Variants in PRIM2 observed in about 807,000 individuals in gnomAD.
The protein encoded by PRIM2 is DNA primase subunit 2, also known as DNA primase large subunit.
A neutral mutation model predicts 67.3 loss-of-function variants in PRIM2; 39 were observed. That is an observed-to-expected ratio of 0.58 (90% confidence interval 0.45 to 0.76). The LOEUF is 0.76. Ranked by LOEUF, PRIM2 falls within the 30% of genes least tolerant of loss-of-function variation. The pLI is 0.00. For synonymous variants in PRIM2, 143 were observed against 198.7 expected (o/e 0.72, Z 2.36); for missense variants, 398 against 598.7 (o/e 0.66, Z 3.50).
At chr6:57,326,147 T>A (rs1403694208) in intron 5 of PRIM2, 102 bp downstream of exon 5, 7 of 1,285,258 alleles carry the variant, frequency 5.4e-6, no homozygotes, top group Non-Finnish European at 7.5e-6. Flanking sequence ...CTTTACATTC[T>A]CCAAGTACCT....
Position 57,615,331 on chromosome 6 carries a change from A to G in PRIM2, c.1230+8874A>G, listed in dbSNP as rs1447729839. Among the ~76,000 whole-genome samples the G allele has an allele frequency of 6.0e-5, 9 of 149,386 alleles. No individual in the cohort carries two copies. The East Asian group carries it at 1.8e-3, about 30-fold the overall frequency. On this transcript the variant is annotated intron_variant, in intron 12 of 13. Coordinates refer to ENST00000615550, the MANE Select transcript of PRIM2 (RefSeq NM_000947.5). The stretch of plus-strand genomic sequence containing the variant: ...CTATGCAGGAGGCTGAGGTGGGAGG[A>G]TTGCTGGATTGCTTGAGCCCATGGG...
the PRIM2 span, among the ~76,000 whole-genome samples, chr6:57,278,655 C>T: frequency 6.6e-6 from 1 of 151,990 alleles, no homozygotes; most frequent in South Asian, 2.1e-4. Flanking sequence ...ACAATCAGGA[C>T]ACAATGTGTT....
intron 12 of PRIM2, among the ~76,000 whole-genome samples, chr6:57,620,206 CAAAG>C (rs1276263014): frequency 2.2e-4 from 34 of 152,162 alleles, no homozygotes; most frequent in African/African-American, 7.9e-4. Flanking sequence ...AAAAAAAAGA[CAAAG>C]AACACCCAAG....
At chr6:57,290,321 T>TGCACCCAATACAGGG in the PRIM2 span, among the ~76,000 whole-genome samples, 1 of 152,138 alleles carries the variant, frequency 6.6e-6, no homozygotes, top group Non-Finnish European at 1.5e-5. Context: ...TAAATATATA[T>TGCACCCAATACAGGG]GCACCCAATA....
chr6:57,399,686 A>T (rs1770640832), intron 7 of PRIM2, among the ~76,000 whole-genome samples: 1 of 152,082 alleles, frequency 6.6e-6, no homozygotes, highest in Non-Finnish European at 1.5e-5. Flanking sequence ...ATTTCTCCAC[A>T]TCCTCTCCAG....
At chr6:57,242,472 T>A in the PRIM2 span, among the ~76,000 whole-genome samples, 1 of 152,202 alleles carries the variant, frequency 6.6e-6, no homozygotes, top group Non-Finnish European at 1.5e-5. Flanking sequence ...TAAAAAATTA[T>A]GTTTTGTGGC....
chr6:57,618,572 G>C (rs1313957224), intron 12 of PRIM2, among the ~76,000 whole-genome samples: 1 of 152,182 alleles, frequency 6.6e-6, no homozygotes, highest in Admixed American at 6.5e-5. Context: ...AAACAGATCT[G>C]GGTCTGTTGT....
intron 10 of PRIM2, among the ~76,000 whole-genome samples, chr6:57,582,545 A>G (rs1776106713): frequency 6.6e-6 from 1 of 152,172 alleles, no homozygotes; most frequent in Non-Finnish European, 1.5e-5. Context: ...TAGAAACTGG[A>G]TAAGTAATAT....
intron 10 of PRIM2, among the ~76,000 whole-genome samples, chr6:57,560,261 CTT>C (rs1775601782): frequency 1.3e-5 from 2 of 151,366 alleles, no homozygotes; most frequent in Admixed American, 1.3e-4. Flanking sequence ...AGAAGCAACT[CTT>C]TATCCACTAA....
chr6:57,272,387 T>G, the PRIM2 span, among the ~76,000 whole-genome samples: 24 of 152,214 alleles, frequency 1.6e-4, no homozygotes, highest in Admixed American at 9.8e-4. Flanking sequence ...GTAATGGCCT[T>G]CTTTGTCTCT....
chr6:57,623,778 C>T (rs1398119853), intron 12 of PRIM2, among the ~76,000 whole-genome samples: 1 of 151,836 alleles, frequency 6.6e-6, no homozygotes, highest in Non-Finnish European at 1.5e-5. Flanking sequence ...GACTGGGTAG[C>T]TTTGAGTCAT....
At chr6:57,476,889 A>G (rs1773490548) in intron 7 of PRIM2, among the ~76,000 whole-genome samples, 1 of 152,306 alleles carries the variant, frequency 6.6e-6, no homozygotes, top group Middle Eastern at 3.4e-3. Context: ...GTGGGATTAC[A>G]GGCATGAGCC....
the PRIM2 span, among the ~76,000 whole-genome samples, chr6:57,223,761 T>C: frequency 6.6e-6 from 1 of 152,024 alleles, no homozygotes; most frequent in Non-Finnish European, 1.5e-5. Context: ...CTCAAAACCA[T>C]GAGATACAAC....
At chr6:57,340,262 T>G (rs1218706791) in intron 5 of PRIM2, among the ~76,000 whole-genome samples, 2 of 152,250 alleles carry the variant, frequency 1.3e-5, no homozygotes, top group Non-Finnish European at 2.9e-5. Context: ...TTGGTGGGAC[T>G]GTAAACTAGT....
At chr6:57,366,600 G>A (rs1017900466) in intron 5 of PRIM2, among the ~76,000 whole-genome samples, 4 of 152,164 alleles carry the variant, frequency 2.6e-5, no homozygotes, top group Non-Finnish European at 5.9e-5. Flanking sequence ...TATGGGTGTA[G>A]CAGTCCATTT....
At chr6:57,326,714 C>A (rs541649436) in intron 5 of PRIM2, among the ~76,000 whole-genome samples, 1 of 147,468 alleles carries the variant, frequency 6.8e-6, no homozygotes, top group Admixed American at 6.7e-5. Flanking sequence ...GAGCAAGACT[C>A]CGTCTCAAAA....
intron 13 of PRIM2, among the ~76,000 whole-genome samples, chr6:57,633,326 G>A (rs1402614538): frequency 6.6e-6 from 1 of 152,106 alleles, no homozygotes; most frequent in Non-Finnish European, 1.5e-5. Context: ...GTACATATGT[G>A]TATTTTTCCA....
the PRIM2 span, among the ~76,000 whole-genome samples, chr6:57,237,438 T>G: frequency 6.6e-6 from 1 of 152,226 alleles, no homozygotes; most frequent in African/African-American, 2.4e-5. Context: ...CATTTTTCAA[T>G]TTTGGCTTTT....
chr6:57,351,477 G>A (rs888184624), intron 5 of PRIM2, among the ~76,000 whole-genome samples: 1 of 152,162 alleles, frequency 6.6e-6, no homozygotes, highest in African/African-American at 2.4e-5. Context: ...GAATGAGGAT[G>A]TGAACTATAT....
Sources: allele counts gnomAD v4.1 joint callset (sites outside exome capture counted in the v4.1 genomes callset), GRCh38; gene constraint gnomAD v4.1.1; transcripts MANE v1.5; gene names NCBI Gene and HGNC (gene_info 2026-07-23, HGNC 2026-07-21).